The following STON2 variants were observed in gnomAD, a reference collection of about 807,000 sequenced individuals.
The protein encoded by STON2 is stonin 2, also known as stonin-2.
A neutral mutation model predicts 65.7 loss-of-function variants in STON2; 29 were observed. The observed-to-expected ratio is 0.44, with a 90% confidence interval of 0.33 to 0.60. The LOEUF is 0.60. Among genes scored for constraint, STON2 ranks in the 20% least tolerant of loss-of-function variants. The pLI is 0.03. For missense variants in STON2, 1,054 were observed against 1,118.1 expected (o/e 0.94, Z 0.82); for synonymous variants, 404 against 414.2 (o/e 0.98, Z 0.30).
rs1421055226 is a variant in STON2 at position 81,262,697 on chromosome 14, A to G, written c.*5717T>C. The G allele has an allele frequency of 1.0e-6, 1 of 985,434 alleles. No individual in the cohort carries two copies. The highest frequency in any genetic ancestry group is 5.2e-4 in the Middle Eastern group (1 of 1,914). 61.0% of individuals were successfully genotyped at this position (985,434 alleles called of 1,614,324 possible). A position where few individuals can be genotyped will look rare whatever the true frequency, so the allele number is the denominator to read the frequency against. The stretch of plus-strand genomic sequence containing the variant: ...AGGCTTAGAATTGACAAATTGAGAG[A>G]CACATTTTTTTTTCAATTCTCAAAA... On this transcript the variant is annotated 3_prime_UTR_variant, in exon 8 of 8. Transcript: ENST00000614646.
At chr14:81,420,123 T>C (rs1901632095) in intron 2 of STON2, among the ~76,000 whole-genome samples, 1 of 152,180 alleles carries the variant, frequency 6.6e-6, no homozygotes. Flanking sequence ...TTCCACACCC[T>C]TCAACGTGGT....
chr14:81,386,203 A>G (rs1261415881), intron 3 of STON2, among the ~76,000 whole-genome samples: 1 of 152,218 alleles, frequency 6.6e-6, no homozygotes, highest in Non-Finnish European at 1.5e-5. Context: ...TTAGAAGCAC[A>G]GAAGAACAAT....
chr14:81,389,430 G>A (rs370645666), intron 3 of STON2, among the ~76,000 whole-genome samples: 1 of 152,322 alleles, frequency 6.6e-6, no homozygotes, highest in South Asian at 2.1e-4. Flanking sequence ...AGTTTGCTCA[G>A]TCTACATGAG....
At chr14:81,282,424 T>C (rs1056397242) in intron 5 of STON2, among the ~76,000 whole-genome samples, 1 of 152,178 alleles carries the variant, frequency 6.6e-6, no homozygotes, top group African/African-American at 2.4e-5. Context: ...ATCTCAGTTT[T>C]CCTATATATT....
intron 4 of STON2, among the ~76,000 whole-genome samples, chr14:81,334,426 T>C (rs1272038613): frequency 6.6e-6 from 1 of 152,202 alleles, no homozygotes; most frequent in Non-Finnish European, 1.5e-5. Flanking sequence ...TCATCCAGCC[T>C]TGAATCATTA....
intron 3 of STON2, 39 bp downstream of exon 3, chr14:81,395,855 T>G: frequency 6.2e-7 from 1 of 1,607,680 alleles, no homozygotes; most frequent in Non-Finnish European, 8.5e-7. Context: ...GCATCCCTGC[T>G]GACCACAAAC....
At chr14:81,295,089 C>T (rs1331344385) in intron 5 of STON2, among the ~76,000 whole-genome samples, 2 of 152,112 alleles carry the variant, frequency 1.3e-5, no homozygotes, top group African/African-American at 4.8e-5. Context: ...CTTTAGGAGG[C>T]CGAGGTGGGC....
chr14:81,352,731 C>A (rs1295988727), intron 4 of STON2, among the ~76,000 whole-genome samples: 1 of 152,200 alleles, frequency 6.6e-6, no homozygotes, highest in African/African-American at 2.4e-5. Context: ...CAATAAAAAG[C>A]ATTACAGTTG....
intron 4 of STON2, among the ~76,000 whole-genome samples, chr14:81,349,662 G>A (rs778446611): frequency 5.3e-5 from 8 of 152,104 alleles, no homozygotes; most frequent in Non-Finnish European, 1.0e-4. Flanking sequence ...ATAGAAAACA[G>A]TGTGGAGATT....
At chr14:81,309,668 G>T (rs557326016) in intron 5 of STON2, among the ~76,000 whole-genome samples, 3 of 152,296 alleles carry the variant, frequency 2.0e-5, no homozygotes, top group South Asian at 2.1e-4. Flanking sequence ...TTTTGATCAT[G>T]ATTATGTATC....
chr14:81,300,145 G>A (rs540341900), intron 5 of STON2, among the ~76,000 whole-genome samples: 69 of 152,086 alleles, frequency 4.5e-4, no homozygotes, highest in Non-Finnish European at 6.6e-4. Flanking sequence ...GTGGACCCAC[G>A]CATGTAAAGT....
At position 81,277,877 on chromosome 14, in the gene STON2, G is replaced by C; in HGVS notation, c.1605C>G (p.Ile535Met). 5.6e-6 allele frequency: 9 copies of C among 1,614,170 alleles called. No homozygotes were observed. The highest frequency in any genetic ancestry group is 7.6e-6 in the Non-Finnish European group (9 of 1,180,036). The change falls in exon 6 of 8, where the codon ATC becomes ATG. Residue 535 changes from isoleucine (I) to methionine (M), a missense_variant. Transcript: ENST00000614646. ...EKPFREFKLE[I>M]CHEISEPRLQ... is the part of the protein sequence containing the mutation. ...GCCGGGGTTCTGAAATCTCATGACA[G>C]ATCTCCAGCTTGAACTCACGGAATG...
chr14:81,341,029 C>T (rs1246049931), intron 4 of STON2, among the ~76,000 whole-genome samples: 1 of 152,028 alleles, frequency 6.6e-6, no homozygotes, highest in Non-Finnish European at 1.5e-5. Flanking sequence ...GTGTCCTCCT[C>T]TGTAAAAAGG....
At chr14:81,329,499 C>T (rs1223206884) in intron 4 of STON2, among the ~76,000 whole-genome samples, 4 of 150,734 alleles carry the variant, frequency 2.7e-5, no homozygotes, top group African/African-American at 9.8e-5. Context: ...CAGGGGAAAA[C>T]GTCATGAGAA....
At chr14:81,381,219 A>G (rs75546437) in intron 3 of STON2, among the ~76,000 whole-genome samples, 1,953 of 152,324 alleles carry the variant, frequency 0.013, 52 homozygotes, top group African/African-American at 0.044. Context: ...CAAAGTGTGA[A>G]GGCTATATAA....
chr14:81,278,825 G>C, intron 5 of STON2, 86 bp from the exon 6 acceptor site: 1 of 1,063,572 alleles, frequency 9.4e-7, no homozygotes, highest in Non-Finnish European at 1.3e-6. Context: ...GGGATTACTA[G>C]AATTTTAACT....
intron 5 of STON2, among the ~76,000 whole-genome samples, chr14:81,287,234 G>A (rs1442397748): frequency 6.6e-6 from 1 of 152,124 alleles, no homozygotes; most frequent in Non-Finnish European, 1.5e-5. Flanking sequence ...ATAAAAAGAG[G>A]AGCCGGAGGA....
intron 4 of STON2, among the ~76,000 whole-genome samples, chr14:81,342,498 C>A (rs1345498871): frequency 6.6e-6 from 1 of 152,148 alleles, no homozygotes; most frequent in East Asian, 1.9e-4. Flanking sequence ...CAGTGCAGGG[C>A]AAGGTAGCCC....
At chr14:81,359,765 G>A (rs1898407311) in intron 4 of STON2, among the ~76,000 whole-genome samples, 1 of 152,156 alleles carries the variant, frequency 6.6e-6, no homozygotes, top group Admixed American at 6.5e-5. Flanking sequence ...TAACCTGGAA[G>A]AAACGGATAA....
Sources: gnomAD v4.1 joint callset for allele counts (sites outside exome capture counted in the v4.1 genomes callset) on GRCh38, gnomAD v4.1.1 for gene constraint, MANE v1.5 for transcripts, NCBI Gene and HGNC (gene_info 2026-07-23, HGNC 2026-07-21) for gene names.